The following COX20 variants were observed in gnomAD, a reference collection of about 807,000 sequenced individuals.
COX20 encodes cytochrome c oxidase assembly factor COX20.
Under a neutral mutation model 14.3 loss-of-function variants are expected in COX20, and 14 were observed. The ratio of observed to expected loss-of-function variants is 0.98; its 90% CI spans 0.65 to 1.53. COX20 has a LOEUF of 1.53. Among genes scored for constraint, COX20 ranks in the 40% most tolerant of loss-of-function variants. The pLI is 0.00. For missense variants in COX20, 149 were observed against 142.1 expected (o/e 1.05, Z -0.25); for synonymous variants, 56 against 51.7 (o/e 1.08, Z -0.36).
chr1:244,843,848 A>C lies in COX20; in HGVS notation c.*672A>C, dbSNP rs556792143. ...ACAACTGCAGAATTACTATTAATGT[A>C]AACAATCCATTTGAAAGTCAATCAG... On this transcript the variant is annotated 3_prime_UTR_variant, in exon 4 of 4. Transcript: ENST00000411948. 2.4e-4 allele frequency: 37 copies of C among 152,358 alleles called. No individual in the cohort carries two copies. Among genetic ancestry groups the C allele is most frequent in the Middle Eastern group, 6.8e-3 (2 of 294 alleles). The allele number at this position is 152,358 out of a possible 1,614,324, so 9.4% of individuals were successfully genotyped here.
At position 244,841,795 on chromosome 1, in the gene COX20, AAC is replaced by A. The variant is rs1573315091; in HGVS notation, c.43-148_43-147del. ...CTGCATACCAAAGGTGGACAAAGAC[AAC>A]GCAAGCTGATTTAGGTTGTCACGTG... On this transcript the variant is annotated intron_variant, in intron 1 of 3. Coordinates refer to ENST00000411948, the MANE Select transcript of COX20 (RefSeq NM_198076.6). The A allele has an allele frequency of 8.6e-6, 5 of 584,020 alleles. No homozygotes were observed. The East Asian group carries it at 1.4e-4, about 16-fold the overall frequency. The allele number at this position is 584,020 out of a possible 1,614,324, so 36.2% of individuals were successfully genotyped here.
upstream of COX20, chr1:244,835,552 A>C (rs1008560462): frequency 4.6e-6 from 2 of 438,428 alleles, no homozygotes; most frequent in Non-Finnish European, 7.5e-6. Flanking sequence ...CCGTGCGGCC[A>C]CTGCGGAGCG....
At position 244,835,726 on chromosome 1, in the gene COX20, G is replaced by T; in HGVS notation, c.12G>T (p.Pro4=). Residue 4 remains proline, a synonymous_variant, in exon 1 of 4, where the codon CCG becomes CCT. Transcript: ENST00000411948. MAA[P]PEPGEPEERK... ...GCGGAGTAGTCCTCATGGCCGCCCC[G>T]CCGGAGCCCGGTGAGCCCGAGGAGA... The T allele has an allele frequency of 7.9e-7, 1 of 1,269,514 alleles. No individual in the cohort carries two copies. Among genetic ancestry groups the T allele is most frequent in the Non-Finnish European group, 1.0e-6 (1 of 1,004,776 alleles). 78.6% of individuals were successfully genotyped at this position (1,269,514 alleles called of 1,614,324 possible).
At chr1:244,835,640 A>C (rs1573306022), upstream of COX20, 6 of 1,074,230 alleles carry the variant, frequency 5.6e-6, no homozygotes, top group South Asian at 4.4e-5. Context: ...CGGGACGGGG[A>C]GGGGCGCGGC....
chr1:244,835,604 G>A (rs1371632319), upstream of COX20: 2 of 821,290 alleles, frequency 2.4e-6, no homozygotes, highest in African/African-American at 3.5e-5. Context: ...CGTCGGAACA[G>A]GGCGGGAGGC....
intron 1 of COX20, among the ~76,000 whole-genome samples, chr1:244,838,233 A>G (rs1353391836): frequency 1.3e-5 from 2 of 152,212 alleles, no homozygotes; most frequent in Non-Finnish European, 2.9e-5. Context: ...GTAGTGTGCC[A>G]TTAAGAGGAA....
chr1:244,836,697 A>AC (rs1679997792), intron 1 of COX20, among the ~76,000 whole-genome samples: 1 of 152,104 alleles, frequency 6.6e-6, no homozygotes. Flanking sequence ...TTTATAGAAG[A>AC]CCCACTGTGT....
intron 2 of COX20, 62 bp downstream of exon 2, chr1:244,842,120 CTATT>C: frequency 1.3e-6 from 2 of 1,488,504 alleles, no homozygotes; most frequent in Non-Finnish European, 1.9e-6. Flanking sequence ...ACATAATGAA[CTATT>C]TTTTTTTCTA....
intron 1 of COX20, chr1:244,839,958 T>G (rs148576809): frequency 1.0e-3 from 157 of 152,312 alleles, no homozygotes; most frequent in African/African-American, 3.6e-3. Flanking sequence ...GTAGAGAGCC[T>G]GGCACTAATA....
At chr1:244,837,061 C>T (rs1680012567) in intron 1 of COX20, among the ~76,000 whole-genome samples, 1 of 146,364 alleles carries the variant, frequency 6.8e-6, no homozygotes. Flanking sequence ...TAGGAGATAA[C>T]TGCTGTTTTT....
In COX20 at chr1:244,843,175, G is replaced by A; in HGVS notation, c.356G>A (p.Ter119=). ...AAACACAACGGCAGCAGCAGCAATTGAACAATCTTGAGCATAGAAGTCAAT... is the reference window on the plus strand; with the variant it reads ...AAACACAACGGCAGCAGCAGCAATTAAACAATCTTGAGCATAGAAGTCAAT... ...ERKHNGSSSN[*] The change falls in exon 4 of 4, where the codon TGA becomes TAA. Residue 119 remains the stop codon, a stop_retained_variant. Transcript: ENST00000411948. 6.3e-7 allele frequency: 1 copy of A among 1,582,374 alleles called. No homozygotes were observed. Among genetic ancestry groups the A allele is most frequent in the Non-Finnish European group, 8.5e-7 (1 of 1,171,270 alleles).
intron 1 of COX20, chr1:244,836,512 T>C (rs1299648547): frequency 1.9e-6 from 3 of 1,550,358 alleles, no homozygotes; most frequent in Admixed American, 3.9e-5. Context: ...ACATTTATCA[T>C]ATTGGAAGGT....
In COX20 at chr1:244,835,812, C is replaced by G; in HGVS notation, c.42+56C>G. 3.4e-6 allele frequency: 4 copies of G among 1,189,154 alleles called. 1 individual carries two copies. Among genetic ancestry groups the G allele is most frequent in the Middle Eastern group, 2.2e-4 (1 of 4,464 alleles). The allele number at this position is 1,189,154 out of a possible 1,614,324, so 73.7% of individuals were successfully genotyped here. On this transcript the variant is annotated intron_variant, in intron 1 of 3. Coordinates refer to ENST00000411948, the MANE Select transcript of COX20 (RefSeq NM_198076.6). The stretch of plus-strand genomic sequence containing the variant: ...CGGGTGGGCGGTGGGTAAGGACGTT[C>G]TCCGCGGAGCTCCTAGGCCCGGAGC...
At chr1:244,841,781 A>T (rs1680208423) in intron 1 of COX20, 163 bp from the exon 2 acceptor site, 2 of 572,062 alleles carry the variant, frequency 3.5e-6, no homozygotes, top group South Asian at 2.5e-5. Context: ...TGCATACCAA[A>T]GGTGGACAAA....
At chr1:244,840,034 G>A (rs774172559) in intron 1 of COX20, 8 of 152,200 alleles carry the variant, frequency 5.3e-5, no homozygotes, top group Admixed American at 1.3e-4. Flanking sequence ...CCAGAGTTTT[G>A]TTGGGGATTG....
In COX20 at chr1:244,842,127, T is replaced by C. The variant is rs1337483582; in HGVS notation, c.158-68T>C. On this transcript the variant is annotated intron_variant, in intron 2 of 3. Transcript: ENST00000411948. Reference sequence around the variant, plus strand: ...ATTTCTCTACATAATGAACTATTTTTTTTTCTAGGTGGAGTAATGTATATA... The same window carrying C: ...ATTTCTCTACATAATGAACTATTTTCTTTTCTAGGTGGAGTAATGTATATA... 7 of 1,484,494 alleles carry C rather than the reference T, an allele frequency of 4.7e-6. No homozygotes were observed. In the Admixed American group the frequency reaches 1.2e-4, roughly 25 times the overall value. The allele number at this position is 1,484,494 out of a possible 1,614,324, so 92.0% of individuals were successfully genotyped here.
intron 1 of COX20, chr1:244,840,113 CAGCTG>C (rs1332719452): frequency 1.3e-5 from 2 of 152,124 alleles, no homozygotes; most frequent in East Asian, 3.8e-4. Flanking sequence ...CCTTTAAAGT[CAGCTG>C]AGCTATTTTC....
intron 1 of COX20, chr1:244,841,166 C>G (rs1369686805): frequency 6.6e-6 from 1 of 152,194 alleles, no homozygotes; most frequent in Non-Finnish European, 1.5e-5. Context: ...AATTTTAGCA[C>G]TTGAAGGAAC....
At position 244,842,285 on chromosome 1, in the gene COX20, T is replaced by C. The variant is rs1680239613; in HGVS notation, c.221+27T>C. 4 of 1,486,252 alleles carry C rather than the reference T, an allele frequency of 2.7e-6. No individual in the cohort carries two copies. The South Asian group carries it at 4.5e-5, about 17-fold the overall frequency. 92.1% of individuals were successfully genotyped at this position (1,486,252 alleles called of 1,614,324 possible). A position where few individuals can be genotyped will look rare whatever the true frequency, so the allele number is the denominator to read the frequency against. ...TATGTTTGCTAAGTATTCAAGAACA[T>C]CCATGATTATAGTAGGTTATCTAAT... On this transcript the variant is annotated intron_variant, in intron 3 of 3. Transcript: ENST00000411948.
Sources: allele counts gnomAD v4.1 joint callset (sites outside exome capture counted in the v4.1 genomes callset), GRCh38; gene constraint gnomAD v4.1.1; transcripts MANE v1.5; gene names NCBI Gene and HGNC (gene_info 2026-07-23, HGNC 2026-07-21).